TRIM33: variants seen among roughly 807,000 people sequenced by gnomAD.
TRIM33 encodes the protein tripartite motif containing 33, also known as E3 ubiquitin-protein ligase TRIM33.
In TRIM33, 20 loss-of-function variants were observed where a neutral mutation model predicts 125.4. The observed-to-expected ratio is 0.16, with a 90% CI of 0.11 to 0.23. The LOEUF (loss-of-function observed/expected upper bound fraction) is 0.23. TRIM33 is among the 10% of genes least tolerant of loss of function. The probability of loss-of-function intolerance (pLI) is 1.00; values close to 1 mark genes in which losing one functional copy is unlikely to be tolerated. For missense variants in TRIM33, 920 were observed against 1,411.4 expected (o/e 0.65, Z 5.58); for synonymous variants, 564 against 513.9 (o/e 1.10, Z -1.32).
intron 1 of TRIM33, among the ~76,000 whole-genome samples, chr1:114,467,241 T>C (rs1195950488): frequency 1.3e-5 from 2 of 152,200 alleles, no homozygotes; most frequent in African/African-American, 2.4e-5. Context: ...GACTGTATGA[T>C]GAAGGAGTAC....
intron 1 of TRIM33, among the ~76,000 whole-genome samples, chr1:114,501,017 C>G (rs1245511697): frequency 1.3e-5 from 1 of 77,348 alleles, no homozygotes; most frequent in East Asian, 2.1e-4. Flanking sequence ...GGTAAAACCC[C>G]GTCTCTACTA....
At chr1:114,438,054 A>T (rs529885725) in intron 4 of TRIM33, among the ~76,000 whole-genome samples, 41 of 152,326 alleles carry the variant, frequency 2.7e-4, no homozygotes, top group African/African-American at 9.9e-4. Context: ...TCTGGGCAAC[A>T]TGCATACAAA....
chr1:114,407,875 T>C (rs1358234887), intron 13 of TRIM33, among the ~76,000 whole-genome samples: 2 of 152,178 alleles, frequency 1.3e-5, no homozygotes, highest in Non-Finnish European at 2.9e-5. Flanking sequence ...CAATAGTTGA[T>C]GACAGAAAGC....
chr1:114,500,840 T>C (rs895709572), intron 1 of TRIM33, among the ~76,000 whole-genome samples: 1 of 152,106 alleles, frequency 6.6e-6, no homozygotes, highest in Non-Finnish European at 1.5e-5. Flanking sequence ...TGTAACAAAT[T>C]ACCTCAAAAA....
intron 1 of TRIM33, among the ~76,000 whole-genome samples, chr1:114,487,086 C>CA (rs60855013): frequency 0.19 from 22,578 of 118,212 alleles, 2,215 homozygotes; most frequent in South Asian, 0.44. Context: ...GACTCTGTCT[C>CA]AAAAAAAAAA....
intron 11 of TRIM33, among the ~76,000 whole-genome samples, chr1:114,418,263 A>G (rs1653059283): frequency 1.3e-5 from 2 of 152,186 alleles, no homozygotes; most frequent in African/African-American, 4.8e-5. Context: ...CACCGCCATG[A>G]TCCAATCACT....
At chr1:114,424,943 T>C (rs1031850525) in intron 9 of TRIM33, among the ~76,000 whole-genome samples, 188 bp from the exon 10 acceptor site, 12 of 151,748 alleles carry the variant, frequency 7.9e-5, no homozygotes, top group African/African-American at 2.7e-4. Context: ...ACTCCCTAAT[T>C]TCCCTTGTCT....
chr1:114,467,881 C>G (rs747813017), intron 1 of TRIM33, among the ~76,000 whole-genome samples: 2 of 152,194 alleles, frequency 1.3e-5, no homozygotes, highest in Non-Finnish European at 2.9e-5. Flanking sequence ...CACCACTCTC[C>G]TTTCCCTTAG....
intron 16 of TRIM33, 59 bp from the exon 17 acceptor site, chr1:114,401,522 C>A (rs1173097021): frequency 1.1e-5 from 16 of 1,428,570 alleles, no homozygotes; most frequent in Non-Finnish European, 1.6e-5. Context: ...AAAACATTCT[C>A]GAGAATGAGA....
intron 11 of TRIM33, chr1:114,420,291 G>T: frequency 1.6e-6 from 1 of 614,020 alleles, no homozygotes; most frequent in Non-Finnish European, 2.8e-6. Context: ...GCCTCAAAGT[G>T]TCTACTATCT....
chr1:114,417,485 T>C (rs1653010948), intron 11 of TRIM33, among the ~76,000 whole-genome samples: 3 of 152,152 alleles, frequency 2.0e-5, no homozygotes, highest in Non-Finnish European at 4.4e-5. Context: ...AAAAACTGAA[T>C]GACATTGTTA....
intron 9 of TRIM33, 126 bp downstream of exon 9, chr1:114,425,323 C>T (rs2101158325): frequency 7.9e-7 from 1 of 1,264,298 alleles, no homozygotes; most frequent in East Asian, 2.3e-5. Flanking sequence ...AATATTTAAA[C>T]TCTGACTTTT....
At position 114,407,966 on chromosome 1, in the gene TRIM33, T is replaced by C. The variant is rs183739924; in HGVS notation, c.2258+711A>G. Among the ~76,000 whole-genome samples the C allele has an allele frequency of 2.0e-5, 3 of 152,198 alleles. No homozygotes were observed. In the East Asian group the frequency reaches 5.8e-4, roughly 29 times the overall value. Reference sequence around the variant, plus strand: ...AATATTTCAACCAGCAGAAAAATAATAGAGCTAAACAATGATTATTAACGG... The same window carrying C: ...AATATTTCAACCAGCAGAAAAATAACAGAGCTAAACAATGATTATTAACGG... On this transcript the variant is annotated intron_variant, in intron 13 of 19. Transcript: ENST00000358465.
intron 1 of TRIM33, among the ~76,000 whole-genome samples, chr1:114,494,123 A>AT (rs71580626): frequency 5.5e-4 from 80 of 144,860 alleles, no homozygotes; most frequent in South Asian, 2.0e-3. Flanking sequence ...GCACCCCGCC[A>AT]TTTTTTTTTT....
intron 1 of TRIM33, among the ~76,000 whole-genome samples, chr1:114,482,403 C>T (rs960319386): frequency 2.6e-5 from 4 of 151,906 alleles, no homozygotes; most frequent in African/African-American, 7.3e-5. Flanking sequence ...GAAAGGGGAA[C>T]GAAACTCAAA....
At chr1:114,498,950 A>T (rs570481308) in intron 1 of TRIM33, among the ~76,000 whole-genome samples, 28 of 152,344 alleles carry the variant, frequency 1.8e-4, no homozygotes, top group Non-Finnish European at 1.0e-4. Context: ...CTATATTTCA[A>T]AACAACTGAT....
intron 1 of TRIM33, among the ~76,000 whole-genome samples, chr1:114,495,704 G>C (rs955180181): frequency 1.3e-5 from 2 of 152,068 alleles, no homozygotes; most frequent in African/African-American, 4.8e-5. Context: ...GAGAAAATTG[G>C]ATGGATGTCA....
At chr1:114,398,154 T>C (rs573157283) in intron 18 of TRIM33, among the ~76,000 whole-genome samples, 164 bp from the exon 19 acceptor site, 30 of 152,334 alleles carry the variant, frequency 2.0e-4, no homozygotes, top group African/African-American at 7.2e-4. Flanking sequence ...CATGGAACCA[T>C]TTTCTTTACA....
intron 1 of TRIM33, among the ~76,000 whole-genome samples, chr1:114,495,184 G>C (rs1021139217): frequency 1.3e-5 from 2 of 152,024 alleles, no homozygotes; most frequent in African/African-American, 2.4e-5. Flanking sequence ...CAAAGTGCTG[G>C]GATTACAGGT....
Sources: allele counts gnomAD v4.1 joint callset (sites outside exome capture counted in the v4.1 genomes callset), GRCh38; gene constraint gnomAD v4.1.1; transcripts MANE v1.5; gene names NCBI Gene and HGNC (gene_info 2026-07-23, HGNC 2026-07-21).